TRPS1: variants seen among roughly 807,000 people sequenced by gnomAD.
TRPS1 encodes the protein transcriptional repressor GATA binding 1, also known as zinc finger transcription factor Trps1.
In TRPS1, 6 loss-of-function variants were observed where a neutral mutation model predicts 101.2. The ratio of observed to expected loss-of-function variants is 0.06; its 90% CI spans 0.03 to 0.12. The LOEUF is 0.12. Ranked by LOEUF, TRPS1 falls within the 10% of genes least tolerant of loss-of-function variation. The probability of loss-of-function intolerance (pLI) is 1.00; values close to 1 mark genes in which losing one functional copy is unlikely to be tolerated. For missense variants in TRPS1, 1,363 were observed against 1,567.0 expected (o/e 0.87, Z 2.20); for synonymous variants, 578 against 589.8 (o/e 0.98, Z 0.29).
chr8:115,472,571 G>A (rs1002539494), intron 5 of TRPS1, among the ~76,000 whole-genome samples: 1 of 152,146 alleles, frequency 6.6e-6, no homozygotes, highest in East Asian at 1.9e-4. Context: ...ATTTCTGCAG[G>A]AGGCTTGAAT....
At chr8:115,636,331 C>T (rs1256301095) in intron 1 of TRPS1, among the ~76,000 whole-genome samples, 2 of 152,154 alleles carry the variant, frequency 1.3e-5, no homozygotes, top group African/African-American at 4.8e-5. Flanking sequence ...GTCCATCAGG[C>T]TGGAAAATAA....
intron 1 of TRPS1, among the ~76,000 whole-genome samples, chr8:115,655,992 C>A (rs891858442): frequency 6.6e-6 from 1 of 151,990 alleles, no homozygotes; most frequent in Non-Finnish European, 1.5e-5. Flanking sequence ...ACATTTCTAC[C>A]GGTGGAGACA....
chr8:115,572,751 G>C (rs1246127733), intron 5 of TRPS1, among the ~76,000 whole-genome samples: 1 of 152,096 alleles, frequency 6.6e-6, no homozygotes, highest in Non-Finnish European at 1.5e-5. Flanking sequence ...TCATCTGAAT[G>C]CCTTACAAAC....
In TRPS1 at chr8:115,513,566, C is replaced by G. The variant is rs73363529; in HGVS notation, c.2700+73435G>C. Among the ~76,000 whole-genome samples the G allele has an allele frequency of 2.2e-3, 337 of 151,628 alleles. 1 individual carries two copies. The highest frequency in any genetic ancestry group is 7.8e-3 in the African/African-American group (325 of 41,444). ...TTATGGTTCCATAGACAGCCAATGT[C>G]TATGCTATAAGTATAGGTTTATTGA... On this transcript the variant is annotated intron_variant, in intron 5 of 6. Transcript: ENST00000395715.
At chr8:115,476,349 C>T (rs1464974285) in intron 5 of TRPS1, among the ~76,000 whole-genome samples, 1 of 152,132 alleles carries the variant, frequency 6.6e-6, no homozygotes, top group Non-Finnish European at 1.5e-5. Context: ...TGTTTAAGTG[C>T]AAGTAAAATC....
intron 3 of TRPS1, among the ~76,000 whole-genome samples, chr8:115,612,949 T>A (rs1297956265): frequency 2.0e-5 from 3 of 152,146 alleles, no homozygotes; most frequent in Non-Finnish European, 4.4e-5. Context: ...TACACAGCCT[T>A]GGAGGACATA....
In TRPS1 at chr8:115,604,353, T is replaced by C. The variant is rs1280968715; in HGVS notation, c.1616A>G (p.Gln539Arg). Reference protein sequence around the residue: ...EDNMVTSYNCQFCDFRYSKSH... With the variant: ...EDNMVTSYNCRFCDFRYSKSH... ...TTTGGAATATCGGAAGTCACAGAAC[T>C]GACAATTATAGCTCGTTACCATATT... The change falls in exon 4 of 7, where the codon CAG becomes CGG. Residue 539 changes from glutamine to arginine, a missense_variant. Physicochemically the swap from Gln to Arg is conservative, Grantham distance 43. This residue lies in a region of TRPS1 where 1,020 missense variants were observed against 1,073.0 expected (regional missense o/e 0.95). Transcript: ENST00000395715. This position sits in a 1 kb window ranked among gnomAD's most constrained non-coding sequence, Gnocchi z 4.1. The C allele has an allele frequency of 1.2e-6, 2 of 1,614,090 alleles. No homozygotes were observed. Among genetic ancestry groups the C allele is most frequent in the East Asian group, 4.5e-5 (2 of 44,842 alleles).
rs536905375 is a variant in TRPS1, at chr8:115,514,231, T to A, written c.2700+72770A>T. 2.0e-5 allele frequency among the ~76,000 whole-genome samples: 3 copies of A among 151,868 alleles called. No homozygotes were observed. The East Asian group carries it at 5.8e-4, about 30-fold the overall frequency. On this transcript the variant is annotated intron_variant, in intron 5 of 6. Coordinates refer to ENST00000395715, the MANE Select transcript of TRPS1 (RefSeq NM_014112.5). ...AAGAATTAAAGAAGACATGGTCCTA[T>A]GTTCAAAAACTCACTATTTTTAACA...
chr8:115,599,775 A>G (rs1402828157), intron 4 of TRPS1, among the ~76,000 whole-genome samples: 1 of 152,172 alleles, frequency 6.6e-6, no homozygotes, highest in East Asian at 1.9e-4. Flanking sequence ...AGTCTTTGCT[A>G]TTGTGAACAA....
chr8:115,488,170 A>C (rs2625672), intron 5 of TRPS1, among the ~76,000 whole-genome samples: 2 of 151,978 alleles, frequency 1.3e-5, no homozygotes, highest in Admixed American at 6.5e-5. Context: ...TAGATAATCA[A>C]TAAACATTTT....
chr8:115,651,329 C>T (rs766781074), intron 1 of TRPS1, among the ~76,000 whole-genome samples: 106 of 152,290 alleles, frequency 7.0e-4, no homozygotes, highest in Non-Finnish European at 1.2e-3. Flanking sequence ...ATACAACATA[C>T]TCCGTTGCAA....
chr8:115,455,775 CTTTT>C (rs386413741), intron 5 of TRPS1, among the ~76,000 whole-genome samples: 3 of 119,974 alleles, frequency 2.5e-5, no homozygotes, highest in African/African-American at 3.4e-5. Flanking sequence ...TTCTTTCTTT[CTTTT>C]TTTTTTTTTT....
chr8:115,491,146 G>C (rs1443668140), intron 5 of TRPS1, among the ~76,000 whole-genome samples: 1 of 152,148 alleles, frequency 6.6e-6, no homozygotes, highest in African/African-American at 2.4e-5. Context: ...GTAATAATTA[G>C]ACTTTGTTAA....
In TRPS1 at chr8:115,413,512, G is replaced by A. The variant is rs559726717; in HGVS notation, c.*511C>T. The A allele has an allele frequency of 4.6e-5, 7 of 153,256 alleles. No homozygotes were observed. The highest frequency in any genetic ancestry group is 1.7e-4 in the African/African-American group (7 of 41,520). The allele number at this position is 153,256 out of a possible 1,614,324, so 9.5% of individuals were successfully genotyped here. A position where few individuals can be genotyped will look rare whatever the true frequency, so the allele number is the denominator to read the frequency against. ...CCAATGAGAGAAGACTAAATTGAGA[G>A]GGCGCCATTTTTCTTTCATTGCCCT... is the stretch of plus-strand genomic sequence containing the variant. On this transcript the variant is annotated 3_prime_UTR_variant, in exon 7 of 7. Transcript: ENST00000395715.
In TRPS1 at chr8:115,414,669, G is replaced by C; in HGVS notation, c.3239C>G (p.Pro1080Arg). ...EGKGSSERGS[P>R]IEKYMRPAKH... Reference sequence around the variant, plus strand: ...CGCAGGTCTCATGTACTTTTCTATAGGACTGCCTCTCTCAGAACTTCCTTT... The same window carrying C: ...CGCAGGTCTCATGTACTTTTCTATACGACTGCCTCTCTCAGAACTTCCTTT... The change falls in exon 7 of 7, where the codon CCT becomes CGT. Residue 1080 changes from proline (P) to arginine (R), a missense_variant. By Grantham distance (103) the Pro-to-Arg change is moderately radical. Around this residue, in one of 5 missense-constraint regions of TRPS1, gnomAD observed 307 missense variants for 392.4 expected, o/e 0.78. Transcript: ENST00000395715. The surrounding 1 kb of genome is among the most constrained non-coding windows in gnomAD (Gnocchi z 4.8). 6.2e-7 allele frequency: 1 copy of C among 1,613,996 alleles called. No individual in the cohort carries two copies. Among genetic ancestry groups the C allele is most frequent in the East Asian group, 2.2e-5 (1 of 44,862 alleles).
In TRPS1 at chr8:115,587,491, G is replaced by T; in HGVS notation, c.2210C>A (p.Ala737Asp). ...VHCQEQDITTANGEEDGHAIS... is the reference protein window; with the variant it reads ...VHCQEQDITTDNGEEDGHAIS... ...GGCATGACCGTCCTCTTCGCCGTTG[G>T]CTGTAGTGATGTCCTGTTCCTGGCA... The change falls in exon 5 of 7, where the codon GCC becomes GAC. Residue 737 changes from alanine (A) to aspartate (D), a missense_variant. By Grantham distance (126) the Ala-to-Asp change is moderately radical (BLOSUM62 -2). Coordinates refer to ENST00000395715, the MANE Select transcript of TRPS1 (RefSeq NM_014112.5). 1.2e-6 allele frequency: 2 copies of T among 1,614,108 alleles called. 1 individual carries two copies. Among genetic ancestry groups the T allele is most frequent in the South Asian group, 2.2e-5 (2 of 91,082 alleles).
chr8:115,536,243 G>A (rs1178628261), intron 5 of TRPS1, among the ~76,000 whole-genome samples: 2 of 152,050 alleles, frequency 1.3e-5, no homozygotes, highest in Non-Finnish European at 2.9e-5. Flanking sequence ...TTCACAGGCT[G>A]GGTGCGGTGG....
chr8:115,642,853 T>A (rs372354146), intron 1 of TRPS1, among the ~76,000 whole-genome samples: 4,159 of 110,438 alleles, frequency 0.038, 61 homozygotes, highest in Admixed American at 0.049. Flanking sequence ...AAAAAAAATA[T>A]ATATATATAT....
chr8:115,541,641 A>T (rs191090932), intron 5 of TRPS1, among the ~76,000 whole-genome samples: 3 of 152,252 alleles, frequency 2.0e-5, no homozygotes, highest in Non-Finnish European at 2.9e-5. Context: ...TCCAAAAACT[A>T]ATCTTTATTA....
Sources: gnomAD v4.1 joint callset for allele counts (sites outside exome capture counted in the v4.1 genomes callset) on GRCh38, gnomAD v4.1.1 for gene constraint, gnomAD v4.1.1 regional missense constraint, Gnocchi (gnomAD v3.1) non-coding constraint, MANE v1.5 for transcripts, NCBI Gene and HGNC (gene_info 2026-07-23, HGNC 2026-07-21) for gene names.